Variants in RCC1L observed in about 807,000 individuals in gnomAD.
RCC1L encodes the protein RCC1 like.
Under a neutral mutation model 58.6 loss-of-function variants are expected in RCC1L, and 46 were observed. That is an observed-to-expected ratio of 0.79 (90% confidence interval 0.62 to 1.00). RCC1L has a LOEUF of 1.00. Ranked by LOEUF, RCC1L falls within the 50% of genes least tolerant of loss-of-function variation. The pLI is 0.00. For synonymous variants in RCC1L, 281 were observed against 262.9 expected (o/e 1.07, Z -0.67); for missense variants, 636 against 623.6 (o/e 1.02, Z -0.21).
At chr7:75,046,572 C>T (rs958285218) in intron 10 of RCC1L, among the ~76,000 whole-genome samples, 2 of 152,166 alleles carry the variant, frequency 1.3e-5, no homozygotes, top group Admixed American at 6.6e-5. Flanking sequence ...GGTTCCAGCT[C>T]CCCCTGGCGG....
At chr7:75,056,712 T>C (rs1806092545) in intron 8 of RCC1L, 1 of 1,535,518 alleles carries the variant, frequency 6.5e-7, no homozygotes, top group Non-Finnish European at 8.7e-7. Flanking sequence ...GACTCAGCTC[T>C]GTGGCCATGT....
chr7:75,035,391 T>C (rs1805413954), intron 10 of RCC1L, among the ~76,000 whole-genome samples: 1 of 152,130 alleles, frequency 6.6e-6, no homozygotes, highest in Non-Finnish European at 1.5e-5. Flanking sequence ...GCCATGAGCC[T>C]GCAAGGAACA....
In RCC1L at chr7:75,056,900, T is replaced by C. The variant is rs888754372; in HGVS notation, c.1057+629A>G. 4.6e-5 allele frequency among the ~76,000 whole-genome samples: 7 copies of C among 152,158 alleles called. No individual in the cohort carries two copies. The East Asian group carries it at 1.3e-3, about 29-fold the overall frequency. ...GATCATAGCTCACTGCAGCTCGAAC[T>C]CCTGGGCTCAAGGGACCTTTCTGCC... is the stretch of plus-strand genomic sequence containing the variant. On this transcript the variant is annotated intron_variant, in intron 8 of 10. Transcript: ENST00000610322.
rs933094295 is a variant in RCC1L at position 75,056,886 on chromosome 7, A to G, written c.1057+643T>C. Among the ~76,000 whole-genome samples, 1,314 of 152,204 alleles carry G rather than the reference A, an allele frequency of 8.6e-3. 11 individuals are homozygous for G. Among genetic ancestry groups the G allele is most frequent in the Middle Eastern group, 0.024 (7 of 294 alleles). On this transcript the variant is annotated intron_variant, in intron 8 of 10. Coordinates refer to ENST00000610322, the MANE Select transcript of RCC1L (RefSeq NM_030798.5). Reference sequence around the variant, plus strand: ...CAGTGCAGTGGCATGATCATAGCTCACTGCAGCTCGAACTCCTGGGCTCAA... The same window carrying G: ...CAGTGCAGTGGCATGATCATAGCTCGCTGCAGCTCGAACTCCTGGGCTCAA...
chr7:75,061,183 C>T, intron 6 of RCC1L, 24 bp downstream of exon 6: 2 of 1,602,262 alleles, frequency 1.2e-6, no homozygotes, highest in African/African-American at 1.3e-5. Flanking sequence ...GTTTCACGAC[C>T]CCAGTGCATG....
chr7:75,040,374 T>C (rs1469308007), downstream of RCC1L, among the ~76,000 whole-genome samples: 12 of 152,248 alleles, frequency 7.9e-5, no homozygotes, highest in African/African-American at 2.6e-4. Context: ...GCAAGAGAAT[T>C]GCTTGAACCC....
At chr7:75,070,514 T>G (rs1806683864) in intron 2 of RCC1L, 126 bp downstream of exon 2, 13 of 1,312,784 alleles carry the variant, frequency 9.9e-6, no homozygotes, top group Non-Finnish European at 1.3e-5. Flanking sequence ...GAGGTTGCAG[T>G]GAGCCAGGAT....
chr7:75,070,675 G>C lies in RCC1L; in HGVS notation c.419C>G (p.Ser140Cys). ...CCGGCTCCTGTGAAATCCAAGCTGAGAATCTTTGTTGAGTCCCATCCCCCA... is the reference window on the plus strand; with the variant it reads ...CCGGCTCCTGTGAAATCCAAGCTGACAATCTTTGTTGAGTCCCATCCCCCA... ...KVWGMGLNKD[S>C]QLGFHRSRKD... The change falls in exon 2 of 11, where the codon TCT (serine) becomes TGT (cysteine). Residue 140 changes from serine (S) to cysteine (C), a missense_variant. Coordinates refer to ENST00000610322, the MANE Select transcript of RCC1L (RefSeq NM_030798.5). 1 of 1,614,092 alleles carries C rather than the reference G, an allele frequency of 6.2e-7. No individual in the cohort carries two copies. Among genetic ancestry groups the C allele is most frequent in the Non-Finnish European group, 8.5e-7 (1 of 1,180,022 alleles).
chr7:75,048,306 C>G (rs1408680813), intron 10 of RCC1L, among the ~76,000 whole-genome samples: 1 of 151,286 alleles, frequency 6.6e-6, no homozygotes, highest in Non-Finnish European at 1.5e-5. Flanking sequence ...ACCTAAGACC[C>G]AGGGCTATGG....
intron 4 of RCC1L, 59 bp from the exon 5 acceptor site, chr7:75,063,402 A>C: frequency 6.3e-7 from 1 of 1,582,110 alleles, no homozygotes; most frequent in South Asian, 1.1e-5. Context: ...AGCACTGTGC[A>C]GCCCTTTCCC....
Position 75,052,748 on chromosome 7 carries a change from C to T in RCC1L, c.1280G>A (p.Gly427Glu), listed in dbSNP as rs1421774735. 2 of 1,613,238 alleles carry T rather than the reference C, an allele frequency of 1.2e-6. No individual in the cohort carries two copies. Among genetic ancestry groups the T allele is most frequent in the South Asian group, 1.1e-5 (1 of 90,814 alleles). Reference sequence around the variant, plus strand: ...ATACTGGTCCTCCAGGCGACCGATTCCCAGGCACCCTCGGATGTTCTTGCC... The same window carrying T: ...ATACTGGTCCTCCAGGCGACCGATTTCCAGGCACCCTCGGATGTTCTTGCC... The part of the protein sequence containing the change: ...VWGKNIRGCL[G>E]IGRLEDQYFP... The change falls in exon 10 of 11, where the codon GGA becomes GAA. Residue 427 changes from glycine to glutamate, a missense_variant. Coordinates refer to ENST00000610322, the MANE Select transcript of RCC1L (RefSeq NM_030798.5).
chr7:75,070,163 A>C (rs1241624420), intron 2 of RCC1L, among the ~76,000 whole-genome samples: 1 of 152,174 alleles, frequency 6.6e-6, no homozygotes. Flanking sequence ...AGGGTTCAAC[A>C]TTGTTACCAA....
chr7:75,046,561 A>G (rs1032530372), intron 10 of RCC1L, among the ~76,000 whole-genome samples: 109 of 152,320 alleles, frequency 7.2e-4, no homozygotes, highest in African/African-American at 2.6e-3. Context: ...AGGCTCCCCA[A>G]GGTTCCAGCT....
chr7:75,054,459 T>C (rs1806015258), intron 9 of RCC1L, among the ~76,000 whole-genome samples: 1 of 152,108 alleles, frequency 6.6e-6, no homozygotes, highest in Non-Finnish European at 1.5e-5. Context: ...TGAGGGCAAA[T>C]AGAAAAGCCT....
intron 1 of RCC1L, among the ~76,000 whole-genome samples, chr7:75,072,100 AC>A (rs1407353881): frequency 7.0e-6 from 1 of 142,608 alleles, no homozygotes; most frequent in East Asian, 2.1e-4. Context: ...AAAAAAAAAA[AC>A]AAACCTATAT....
rs376895337 is a variant in RCC1L, at chr7:75,070,733, G to C, written c.361C>G (p.Leu121Val). Residue 121 changes from leucine (L) to valine (V), a missense_variant, in exon 2 of 11, where the codon CTG becomes GTG. By Grantham distance (32) the Leu-to-Val change is conservative. Coordinates refer to ENST00000610322, the MANE Select transcript of RCC1L (RefSeq NM_030798.5). ...SAACGYGFTLLSSKTADVTKV... is the reference protein window; with the variant it reads ...SAACGYGFTLVSSKTADVTKV... ...GTAACATCCGCAGTCTTAGAGGACA[G>C]CAGTGTGAATCCATAGCCGCAAGCA... The C allele has an allele frequency of 5.0e-6, 8 of 1,614,026 alleles. No individual in the cohort carries two copies. The highest frequency in any genetic ancestry group is 1.3e-5 in the African/African-American group (1 of 74,932).
At chr7:75,031,339 G>A (rs1371628201) in intron 10 of RCC1L, among the ~76,000 whole-genome samples, 2 of 152,108 alleles carry the variant, frequency 1.3e-5, no homozygotes, top group Non-Finnish European at 2.9e-5. Flanking sequence ...CAAGATCTGG[G>A]TGAAGGGGAG....
At chr7:75,053,512 G>A (rs1480080001) in intron 9 of RCC1L, among the ~76,000 whole-genome samples, 3 of 152,222 alleles carry the variant, frequency 2.0e-5, no homozygotes, top group Admixed American at 2.0e-4. Flanking sequence ...GTGCCTGCTT[G>A]TGCTGGGTCT....
chr7:75,042,435 C>T lies in RCC1L; in HGVS notation c.*597G>A. On this transcript the variant is annotated 3_prime_UTR_variant, in exon 11 of 11. Transcript: ENST00000610322. ...GCCAGGCAGTGAGCGTGGTGGGAGG[C>T]TGGGGCTGGTGCCTGCGGACAGCTC... 1 of 986,530 alleles carries T rather than the reference C, an allele frequency of 1.0e-6. No homozygotes were observed. Among genetic ancestry groups the T allele is most frequent in the African/African-American group, 1.7e-5 (1 of 57,374 alleles). 61.1% of individuals were successfully genotyped at this position (986,530 alleles called of 1,614,324 possible).
Sources: gnomAD v4.1 joint callset for allele counts (sites outside exome capture counted in the v4.1 genomes callset) on GRCh38, gnomAD v4.1.1 for gene constraint, MANE v1.5 for transcripts, NCBI Gene and HGNC (gene_info 2026-07-23, HGNC 2026-07-21) for gene names.